SOX5: variants seen among roughly 807,000 people sequenced by gnomAD.
SOX5 encodes the protein transcription factor SOX-5.
Under a neutral mutation model 92.0 loss-of-function variants are expected in SOX5, and 9 were observed. That is an observed-to-expected ratio of 0.10 (90% confidence interval 0.06 to 0.17). The LOEUF (loss-of-function observed/expected upper bound fraction) is 0.17, where lower values mean the gene tolerates loss of function less well. SOX5 is among the 10% of genes least tolerant of loss of function. The pLI is 1.00. For synonymous variants in SOX5, 344 were observed against 336.3 expected, an observed-to-expected ratio of 1.02 and a Z score of -0.25; for missense variants, 642 against 944.5, an observed-to-expected ratio of 0.68 and a Z score of 4.20.
At chr12:24,258,711 T>C (rs1941627744) in intron 3 of SOX5, among the ~76,000 whole-genome samples, 1 of 152,200 alleles carries the variant, frequency 6.6e-6, no homozygotes, top group African/African-American at 2.4e-5. Context: ...TCCTATATCA[T>C]CTTAGCTACA....
chr12:23,703,589 C>T (rs1430457266), intron 6 of SOX5, among the ~76,000 whole-genome samples: 1 of 151,856 alleles, frequency 6.6e-6, no homozygotes, highest in African/African-American at 2.4e-5. Flanking sequence ...ACTAAGAAGT[C>T]AACTGCAGTG....
intron 2 of SOX5, among the ~76,000 whole-genome samples, chr12:24,310,944 A>G (rs1295301975): frequency 6.6e-6 from 1 of 152,108 alleles, no homozygotes; most frequent in African/African-American, 2.4e-5. Flanking sequence ...TTCAGGAACT[A>G]CTTTTCGGAC....
intron 4 of SOX5, among the ~76,000 whole-genome samples, chr12:24,154,900 T>C (rs1277863794): frequency 6.6e-6 from 1 of 152,066 alleles, no homozygotes; most frequent in Non-Finnish European, 1.5e-5. Context: ...AATTAAAAAA[T>C]TATAAAACTT....
chr12:24,184,666 G>A (rs1955845351), intron 4 of SOX5, among the ~76,000 whole-genome samples: 1 of 152,054 alleles, frequency 6.6e-6, no homozygotes, highest in Non-Finnish European at 1.5e-5. Context: ...ACAAAAGAGT[G>A]GGTCCTTCAC....
chr12:24,071,260 C>A (rs1289544133), intron 4 of SOX5, among the ~76,000 whole-genome samples: 1 of 152,012 alleles, frequency 6.6e-6, no homozygotes, highest in African/African-American at 2.4e-5. Flanking sequence ...ACAATATTAA[C>A]CCCATTCTAT....
intron 7 of SOX5, among the ~76,000 whole-genome samples, chr12:23,647,296 C>A (rs1172208812): frequency 2.0e-5 from 3 of 152,190 alleles, no homozygotes; most frequent in African/African-American, 7.2e-5. Context: ...TTAAAATATT[C>A]AGTAAATCAC....
intron 2 of SOX5, among the ~76,000 whole-genome samples, chr12:24,347,570 TTAAA>T (rs1953465253): frequency 6.6e-6 from 1 of 152,198 alleles, no homozygotes; most frequent in Non-Finnish European, 1.5e-5. Flanking sequence ...TATCAATTCT[TTAAA>T]TAATGACATT....
chr12:23,999,158 G>GTGTGTGTC (rs1254107738), intron 4 of SOX5, among the ~76,000 whole-genome samples: 1 of 150,846 alleles, frequency 6.6e-6, no homozygotes, highest in Non-Finnish European at 1.5e-5. Flanking sequence ...GTGTGTGTGT[G>GTGTGTGTC]TGTGTGTGTG....
In SOX5 at chr12:24,289,754, C is replaced by G. The variant is rs1051919150; in HGVS notation, c.-173-12442G>C. Among the ~76,000 whole-genome samples the G allele has an allele frequency of 2.2e-4, 27 of 120,560 alleles. 8 individuals carry two copies. Among genetic ancestry groups the G allele is most frequent in the African/African-American group, 1.3e-3 (27 of 20,770 alleles). The allele number at this position is 120,560 out of a possible 152,430, so 79.1% of individuals were successfully genotyped here. The stretch of plus-strand genomic sequence containing the variant: ...ACAGGCGTGAGCCACCGCGCCCGGC[C>G]GGACATTTGTATCTTGAAAGCCTTA... On this transcript the variant is annotated intron_variant, in intron 2 of 4. Coordinates refer to the SOX5 transcript ENST00000446891.
intron 3 of SOX5, among the ~76,000 whole-genome samples, chr12:23,831,659 A>C (rs982635993): frequency 6.6e-6 from 1 of 152,074 alleles, no homozygotes; most frequent in Non-Finnish European, 1.5e-5. Flanking sequence ...GCTTCATGTA[A>C]AGTAACACTA....
chr12:23,975,954 A>G (rs147394913), intron 4 of SOX5, among the ~76,000 whole-genome samples: 59 of 152,288 alleles, frequency 3.9e-4, no homozygotes, highest in African/African-American at 1.4e-3. Context: ...AGCTGTAGAC[A>G]TCAACTTCAC....
At chr12:24,482,728 T>C (rs1027521156) in intron 1 of SOX5, among the ~76,000 whole-genome samples, 1 of 152,206 alleles carries the variant, frequency 6.6e-6, no homozygotes, top group African/African-American at 2.4e-5. Flanking sequence ...TTTTAATTTG[T>C]GTAGAATGTG....
chr12:23,643,462 G>A (rs1469861829), intron 7 of SOX5, among the ~76,000 whole-genome samples: 1 of 152,152 alleles, frequency 6.6e-6, no homozygotes, highest in East Asian at 1.9e-4. Flanking sequence ...AATTTTAGGG[G>A]AAAAGCCCTC....
intron 3 of SOX5, among the ~76,000 whole-genome samples, chr12:23,800,349 A>G (rs2142134329): frequency 6.6e-6 from 1 of 152,258 alleles, no homozygotes; most frequent in East Asian, 1.9e-4. Context: ...GTTTGCACAA[A>G]ATTATGTTAA....
At chr12:23,552,157 C>T (rs1377121676) in intron 11 of SOX5, among the ~76,000 whole-genome samples, 1 of 151,698 alleles carries the variant, frequency 6.6e-6, no homozygotes, top group Non-Finnish European at 1.5e-5. Flanking sequence ...AAACTGATGA[C>T]AAATATCTAA....
At chr12:24,397,943 G>A (rs181195445) in intron 1 of SOX5, among the ~76,000 whole-genome samples, 2,418 of 152,000 alleles carry the variant, frequency 0.016, 33 homozygotes, top group South Asian at 0.031. Context: ...TCCGACTCCC[G>A]GGTTCACGCC....
intron 8 of SOX5, among the ~76,000 whole-genome samples, chr12:23,628,516 G>A (rs996822945): frequency 2.0e-5 from 3 of 152,096 alleles, no homozygotes; most frequent in African/African-American, 7.2e-5. Context: ...TAATTTTCAT[G>A]TTAGAGGCAT....
At position 23,964,090 on chromosome 12, in the gene SOX5, A is replaced by G. The variant is rs998912100; in HGVS notation, c.-1-68066T>C. On this transcript the variant is annotated intron_variant, in intron 4 of 4. Transcript: ENST00000446891. ...AAAGGTGGGAATAGTGTTCCACCAA[A>G]CCTCTCTCTCTTCATAGTATAGTTT... 2.6e-5 allele frequency among the ~76,000 whole-genome samples: 4 copies of G among 151,984 alleles called. No individual in the cohort carries two copies. The East Asian group carries it at 7.7e-4, about 29-fold the overall frequency.
At chr12:23,853,098 C>A (rs76721320) in intron 2 of SOX5, among the ~76,000 whole-genome samples, 7,864 of 150,190 alleles carry the variant, frequency 0.052, 241 homozygotes, top group African/African-American at 0.08. Context: ...AGAGTCAGCA[C>A]ACATGCAAAA....
Sources: allele counts gnomAD v4.1 joint callset (sites outside exome capture counted in the v4.1 genomes callset), GRCh38; gene constraint gnomAD v4.1.1; transcripts MANE v1.5; gene names NCBI Gene and HGNC (gene_info 2026-07-23, HGNC 2026-07-21).